The following PHACTR3 variants were observed in gnomAD, a reference collection of about 807,000 sequenced individuals.
The protein encoded by PHACTR3 is protein phosphatase 1, regulatory subunit 123.
Under a neutral mutation model 66.8 loss-of-function variants are expected in PHACTR3, and 16 were observed. The observed-to-expected ratio is 0.24, with a 90% CI of 0.16 to 0.36. PHACTR3 has a LOEUF of 0.36. Among genes scored for constraint, PHACTR3 ranks in the 10% least tolerant of loss-of-function variants. PHACTR3 has a pLI of 1.00. For synonymous variants in PHACTR3, 323 were observed against 292.1 expected (o/e 1.11, Z -1.08); for missense variants, 647 against 719.9 (o/e 0.90, Z 1.16).
chr20:59,810,496 C>A (rs2041703083), intron 8 of PHACTR3, among the ~76,000 whole-genome samples: 1 of 152,244 alleles, frequency 6.6e-6, no homozygotes, highest in South Asian at 2.1e-4. Context: ...CTTAATTGGT[C>A]TCCCTTTGTC....
intron 7 of PHACTR3, among the ~76,000 whole-genome samples, chr20:59,805,637 G>A (rs1332367298): frequency 6.6e-6 from 1 of 152,194 alleles, no homozygotes; most frequent in East Asian, 1.9e-4. Context: ...AGTGGGCAGG[G>A]AGAAAGTGCA....
intron 5 of PHACTR3, among the ~76,000 whole-genome samples, chr20:59,768,286 T>G (rs75452212): frequency 6.6e-6 from 1 of 152,238 alleles, no homozygotes; most frequent in Non-Finnish European, 1.5e-5. Flanking sequence ...AGTAAAGCCT[T>G]GCGTGCTGTC....
chr20:59,605,647 C>T (rs1217105138), intron 1 of PHACTR3, among the ~76,000 whole-genome samples: 1 of 152,230 alleles, frequency 6.6e-6, no homozygotes, highest in Non-Finnish European at 1.5e-5. Flanking sequence ...AGCCCCCGGA[C>T]AGGTGTGCTG....
intron 1 of PHACTR3, among the ~76,000 whole-genome samples, chr20:59,731,510 T>G (rs763577619): frequency 2.0e-5 from 3 of 152,176 alleles, no homozygotes; most frequent in Non-Finnish European, 4.4e-5. Context: ...TATAGAGCAT[T>G]TTCAGATCCA....
chr20:59,602,648 C>T (rs1297038059), upstream of PHACTR3, among the ~76,000 whole-genome samples: 1 of 152,154 alleles, frequency 6.6e-6, no homozygotes, highest in Non-Finnish European at 1.5e-5. Flanking sequence ...TCTCTGGGCT[C>T]TATCCCTTCC....
At chr20:59,721,990 G>A (rs553218557) in intron 1 of PHACTR3, among the ~76,000 whole-genome samples, 1 of 152,242 alleles carries the variant, frequency 6.6e-6, no homozygotes, top group South Asian at 2.1e-4. Flanking sequence ...CAGCACTTTG[G>A]GAGGCCGATG....
chr20:59,743,924 GC>G (rs2039269626), intron 2 of PHACTR3, among the ~76,000 whole-genome samples: 3 of 152,258 alleles, frequency 2.0e-5, no homozygotes, highest in African/African-American at 7.2e-5. Flanking sequence ...ACCTCCTGCT[GC>G]CCCCTCACAC....
chr20:59,665,599 G>C (rs1278115819), intron 1 of PHACTR3, among the ~76,000 whole-genome samples: 1 of 152,136 alleles, frequency 6.6e-6, no homozygotes, highest in Non-Finnish European at 1.5e-5. Context: ...TTGTGGTGGA[G>C]TTCGAGGGAG....
At chr20:59,686,059 C>CA (rs964837377) in intron 1 of PHACTR3, among the ~76,000 whole-genome samples, 10 of 152,228 alleles carry the variant, frequency 6.6e-5, no homozygotes, top group Non-Finnish European at 1.3e-4. Context: ...CTACCCCCCC[C>CA]ATACCTAACT....
At chr20:59,632,757 T>C (rs2061186816) in intron 1 of PHACTR3, among the ~76,000 whole-genome samples, 1 of 152,192 alleles carries the variant, frequency 6.6e-6, no homozygotes, top group African/African-American at 2.4e-5. Context: ...ACAGGGCTCA[T>C]GAAAGTGCCC....
intron 1 of PHACTR3, among the ~76,000 whole-genome samples, chr20:59,584,081 G>T (rs540141535): frequency 1.2e-3 from 185 of 152,336 alleles, no homozygotes; most frequent in African/African-American, 4.1e-3. Context: ...AAGTGAGCGC[G>T]TGGGCAAGAA....
chr20:59,732,469 A>C (rs998654660), intron 1 of PHACTR3, among the ~76,000 whole-genome samples: 1 of 152,222 alleles, frequency 6.6e-6, no homozygotes, highest in Non-Finnish European at 1.5e-5. Context: ...TTAAGTATTT[A>C]TTCAATTCAC....
chr20:59,749,605 G>T (rs2039504571), intron 3 of PHACTR3, among the ~76,000 whole-genome samples: 1 of 152,170 alleles, frequency 6.6e-6, no homozygotes, highest in South Asian at 2.1e-4. Flanking sequence ...CTTTAGATCA[G>T]GGTCGGCAAA....
chr20:59,694,561 G>C (rs2037227676), intron 1 of PHACTR3, among the ~76,000 whole-genome samples: 1 of 151,890 alleles, frequency 6.6e-6, no homozygotes, highest in African/African-American at 2.4e-5. Context: ...TAAACAGTTG[G>C]GAAAGAAGGA....
At chr20:59,637,629 C>T (rs190090094) in intron 1 of PHACTR3, among the ~76,000 whole-genome samples, 3 of 151,698 alleles carry the variant, frequency 2.0e-5, no homozygotes, top group Admixed American at 2.0e-4. Context: ...CTACCCTCAA[C>T]CCTAACGTGA....
chr20:59,699,346 C>A (rs11697709), intron 1 of PHACTR3, among the ~76,000 whole-genome samples: 20,999 of 152,170 alleles, frequency 0.14, 1,439 homozygotes, highest in African/African-American at 0.16. Flanking sequence ...TTAAGTCATT[C>A]ATCCTTGAGG....
intron 1 of PHACTR3, among the ~76,000 whole-genome samples, chr20:59,651,680 A>G (rs1005883361): frequency 1.3e-5 from 2 of 152,256 alleles, no homozygotes; most frequent in Admixed American, 1.3e-4. Context: ...GGCTGGATAA[A>G]TAATGGCATA....
At chr20:59,589,063 C>T (rs537959356) in intron 1 of PHACTR3, among the ~76,000 whole-genome samples, 18 of 152,310 alleles carry the variant, frequency 1.2e-4, no homozygotes, top group African/African-American at 4.3e-4. Flanking sequence ...ACTCACAGGT[C>T]CCCCAAAGTA....
In PHACTR3 at chr20:59,721,762, C is replaced by G. The variant is rs555604209; in HGVS notation, c.119-21345C>G. 3.1e-3 allele frequency among the ~76,000 whole-genome samples: 471 copies of G among 152,284 alleles called. 3 individuals are homozygous for G. Among genetic ancestry groups the G allele is most frequent in the South Asian group, 6.2e-3 (30 of 4,830 alleles). On this transcript the variant is annotated intron_variant, in intron 1 of 12. Transcript: ENST00000371015. ...GCTTCCCATCCTGAGGGCGGAGGAA[C>G]TTGAACACAGTAGTTATTTGCTATC...
Sources: allele counts gnomAD v4.1 joint callset (sites outside exome capture counted in the v4.1 genomes callset), GRCh38; gene constraint gnomAD v4.1.1; transcripts MANE v1.5; gene names NCBI Gene and HGNC (gene_info 2026-07-23, HGNC 2026-07-21).